PARD3B: variants seen among roughly 807,000 people sequenced by gnomAD.
PARD3B encodes partitioning defective 3 homolog B.
Under a neutral mutation model 130.2 loss-of-function variants are expected in PARD3B, and 103 were observed. That is an observed-to-expected ratio of 0.79 (90% CI 0.67 to 0.93). PARD3B has a LOEUF of 0.93. Among genes scored for constraint, PARD3B ranks in the 40% least tolerant of loss-of-function variants. PARD3B has a pLI of 0.00. For synonymous variants in PARD3B, 583 were observed against 553.2 expected (o/e 1.05, Z -0.76); for missense variants, 1,609 against 1,499.2 (o/e 1.07, Z -1.21).
intron 2 of PARD3B, among the ~76,000 whole-genome samples, chr2:204,762,934 A>T (rs752541350): frequency 2.0e-5 from 3 of 151,752 alleles, no homozygotes; most frequent in Non-Finnish European, 4.4e-5. Flanking sequence ...CTAATTTTGT[A>T]TTTGTAGTAG....
chr2:205,137,787 C>T (rs1027597799), intron 10 of PARD3B, among the ~76,000 whole-genome samples: 2 of 152,178 alleles, frequency 1.3e-5, no homozygotes, highest in Non-Finnish European at 2.9e-5. Flanking sequence ...CATGTGCCCT[C>T]CCACCCTCCA....
intron 2 of PARD3B, among the ~76,000 whole-genome samples, chr2:204,959,403 A>G (rs925621852): frequency 2.7e-4 from 41 of 152,110 alleles, no homozygotes; most frequent in African/African-American, 9.9e-4. Context: ...GTTGATTCCA[A>G]GTCTTTGCTA....
intron 2 of PARD3B, among the ~76,000 whole-genome samples, chr2:204,698,487 C>A (rs2037723495): frequency 6.6e-6 from 1 of 151,682 alleles, no homozygotes; most frequent in Admixed American, 6.6e-5. Flanking sequence ...TGGAATTTTT[C>A]CATTTGGTGC....
At chr2:205,206,561 G>A (rs1342281114) in intron 15 of PARD3B, among the ~76,000 whole-genome samples, 2 of 150,528 alleles carry the variant, frequency 1.3e-5, no homozygotes, top group African/African-American at 4.9e-5. Flanking sequence ...ATTTTTTATG[G>A]CTGCATAGTA....
intron 2 of PARD3B, among the ~76,000 whole-genome samples, chr2:204,959,029 A>G (rs191880075): frequency 7.2e-5 from 11 of 152,218 alleles, no homozygotes; most frequent in Admixed American, 6.5e-4. Context: ...TTACTTAGGT[A>G]TACATGTGCC....
intron 21 of PARD3B, among the ~76,000 whole-genome samples, chr2:205,532,982 C>G (rs150595480): frequency 6.6e-6 from 1 of 152,094 alleles, no homozygotes. Flanking sequence ...TGTGTGTGTT[C>G]TGCTTTTGCC....
chr2:205,034,760 C>T (rs2125371649), intron 3 of PARD3B, among the ~76,000 whole-genome samples: 1 of 152,006 alleles, frequency 6.6e-6, no homozygotes, highest in East Asian at 1.9e-4. Context: ...CTAGAGATGA[C>T]AAAATGTGAG....
At chr2:204,628,312 G>A (rs752617992) in intron 1 of PARD3B, among the ~76,000 whole-genome samples, 3 of 150,474 alleles carry the variant, frequency 2.0e-5, no homozygotes, top group Non-Finnish European at 3.0e-5. Flanking sequence ...GAAAAATAAA[G>A]TCAGTGTTCT....
chr2:204,802,757 C>G (rs546380732), intron 2 of PARD3B, among the ~76,000 whole-genome samples: 1 of 151,946 alleles, frequency 6.6e-6, no homozygotes. Flanking sequence ...AACCAAACAC[C>G]GCATATTCTC....
intron 2 of PARD3B, among the ~76,000 whole-genome samples, chr2:204,832,514 A>T (rs1217303446): frequency 6.6e-6 from 1 of 152,236 alleles, no homozygotes. Flanking sequence ...TGAACATGCA[A>T]CACTGAAAGA....
intron 3 of PARD3B, among the ~76,000 whole-genome samples, chr2:205,005,224 T>C (rs751270897): frequency 1.1e-4 from 17 of 151,950 alleles, no homozygotes; most frequent in Non-Finnish European, 2.4e-4. Flanking sequence ...ACACAAAAAG[T>C]ATATACACAC....
At chr2:204,681,959 A>G (rs2036855158) in intron 1 of PARD3B, among the ~76,000 whole-genome samples, 1 of 152,132 alleles carries the variant, frequency 6.6e-6, no homozygotes, top group Non-Finnish European at 1.5e-5. Context: ...TAAGTCTATG[A>G]TTATGAAGAT....
intron 3 of PARD3B, among the ~76,000 whole-genome samples, chr2:205,031,730 G>A (rs1375832605): frequency 6.6e-6 from 1 of 152,040 alleles, no homozygotes; most frequent in Non-Finnish European, 1.5e-5. Flanking sequence ...AGGCAAAATG[G>A]GCTTGTGACA....
intron 20 of PARD3B, among the ~76,000 whole-genome samples, chr2:205,472,488 T>A (rs2048869726): frequency 6.6e-6 from 1 of 152,200 alleles, no homozygotes; most frequent in Non-Finnish European, 1.5e-5. Flanking sequence ...CTATTTTGTA[T>A]CATATAAATA....
chr2:205,239,415 C>G (rs2125910693), intron 15 of PARD3B, among the ~76,000 whole-genome samples: 1 of 152,200 alleles, frequency 6.6e-6, no homozygotes, highest in Non-Finnish European at 1.5e-5. Context: ...ATATTTTATT[C>G]TAACAAATAT....
At chr2:204,662,094 G>A (rs1274503111) in intron 1 of PARD3B, among the ~76,000 whole-genome samples, 6 of 152,118 alleles carry the variant, frequency 3.9e-5, no homozygotes, top group African/African-American at 1.4e-4. Flanking sequence ...GGTCTATCTT[G>A]CATTTTGAAT....
intron 2 of PARD3B, among the ~76,000 whole-genome samples, chr2:204,814,040 C>T (rs2043057582): frequency 6.6e-6 from 1 of 152,006 alleles, no homozygotes; most frequent in Non-Finnish European, 1.5e-5. Flanking sequence ...AAGATATAGT[C>T]CAATTTAGGG....
chr2:205,460,297 A>C lies in PARD3B; in HGVS notation c.3044+19625A>C, dbSNP rs926106851. 1.3e-5 allele frequency among the ~76,000 whole-genome samples: 2 copies of C among 152,076 alleles called. No individual in the cohort carries two copies. Among genetic ancestry groups the C allele is most frequent in the Admixed American group, 1.3e-4 (2 of 15,248 alleles). The stretch of plus-strand genomic sequence containing the variant: ...TTTTTCTGAGAGGGTATTTCTCTAA[A>C]CTATATCAGATAAAGGATGCCCAGA... On this transcript the variant is annotated intron_variant, in intron 20 of 22. Transcript: ENST00000406610. This position sits in a 1 kb window ranked among gnomAD's most constrained non-coding sequence, Gnocchi z 4.9.
chr2:205,583,144 A>G (rs2054056468), intron 22 of PARD3B, among the ~76,000 whole-genome samples: 1 of 152,236 alleles, frequency 6.6e-6, no homozygotes, highest in Non-Finnish European at 1.5e-5. Flanking sequence ...CTTTTGTGAA[A>G]TGAAAATTAG....
Sources: gnomAD v4.1 joint callset for allele counts (sites outside exome capture counted in the v4.1 genomes callset) on GRCh38, gnomAD v4.1.1 for gene constraint, Gnocchi (gnomAD v3.1) non-coding constraint, MANE v1.5 for transcripts, NCBI Gene and HGNC (gene_info 2026-07-23, HGNC 2026-07-21) for gene names.